GPHN: variants seen among roughly 807,000 people sequenced by gnomAD.
GPHN encodes the protein gephyrin.
In GPHN, 17 loss-of-function variants were observed where a neutral mutation model predicts 95.5. That is an observed-to-expected ratio of 0.18 (90% CI 0.12 to 0.27). The LOEUF is 0.27. Ranked by LOEUF, GPHN falls within the 10% of genes least tolerant of loss-of-function variation. The pLI, the probability that GPHN is intolerant of heterozygous loss-of-function variation, is 1.00. For missense variants in GPHN, 660 were observed against 978.1 expected (o/e 0.67, Z 4.34); for synonymous variants, 320 against 322.5 (o/e 0.99, Z 0.08).
chr14:67,095,542 A>C (rs894267407), intron 12 of GPHN, among the ~76,000 whole-genome samples: 3 of 152,224 alleles, frequency 2.0e-5, no homozygotes. Context: ...ATGTCCAACA[A>C]TGATAGACTG....
intron 3 of GPHN, among the ~76,000 whole-genome samples, chr14:66,822,470 T>C (rs2061236302): frequency 6.6e-6 from 1 of 152,212 alleles, no homozygotes; most frequent in African/African-American, 2.4e-5. Context: ...ATAATTCCAT[T>C]GTGCACCCAA....
the GPHN span, chr14:67,312,510 C>T: frequency 2.0e-6 from 3 of 1,490,230 alleles, no homozygotes; most frequent in Non-Finnish European, 2.7e-6. Context: ...GTTGTTTTTG[C>T]CCTTTTTATC....
the GPHN span, among the ~76,000 whole-genome samples, chr14:67,717,415 C>T: frequency 6.6e-6 from 1 of 152,182 alleles, no homozygotes; most frequent in Non-Finnish European, 1.5e-5. Flanking sequence ...TAGTAGATGG[C>T]CAGCATCCTA....
At chr14:67,286,550 G>A in the GPHN span, among the ~76,000 whole-genome samples, 1 of 152,100 alleles carries the variant, frequency 6.6e-6, no homozygotes, top group South Asian at 2.1e-4. Flanking sequence ...ATTTCTTTGA[G>A]TGTGTGGAAA....
At chr14:66,553,731 C>T (rs1394278798) in intron 1 of GPHN, among the ~76,000 whole-genome samples, 2 of 152,160 alleles carry the variant, frequency 1.3e-5, no homozygotes, top group African/African-American at 2.4e-5. Flanking sequence ...CATGGGCCAC[C>T]ACGCCCGCCT....
chr14:66,670,876 C>T (rs1051196612), intron 1 of GPHN, among the ~76,000 whole-genome samples: 1 of 152,032 alleles, frequency 6.6e-6, no homozygotes, highest in Non-Finnish European at 1.5e-5. Context: ...AGAATTGTAC[C>T]TAGGTACTTA....
chr14:66,619,051 T>G (rs980900307), intron 1 of GPHN, among the ~76,000 whole-genome samples: 1 of 152,216 alleles, frequency 6.6e-6, no homozygotes, highest in Non-Finnish European at 1.5e-5. Flanking sequence ...CTTCCTTCAC[T>G]CAGCGTAAGT....
intron 1 of GPHN, among the ~76,000 whole-genome samples, chr14:66,615,335 A>T (rs1345403023): frequency 6.6e-6 from 1 of 152,170 alleles, no homozygotes; most frequent in Non-Finnish European, 1.5e-5. Context: ...CCAGCAGAGT[A>T]AAAGCGTTCC....
chr14:67,147,351 C>T (rs898093491), intron 18 of GPHN, among the ~76,000 whole-genome samples: 7 of 152,186 alleles, frequency 4.6e-5, no homozygotes, highest in African/African-American at 1.7e-4. Context: ...GTAGCAAAGC[C>T]TTCAGGCAAG....
At chr14:67,559,455 C>T in the GPHN span, among the ~76,000 whole-genome samples, 2 of 152,134 alleles carry the variant, frequency 1.3e-5, no homozygotes, top group African/African-American at 2.4e-5. Flanking sequence ...TTTGTGTTAC[C>T]TTATCAAATA....
At chr14:67,195,049 G>A in the GPHN span, among the ~76,000 whole-genome samples, 1 of 152,170 alleles carries the variant, frequency 6.6e-6, no homozygotes, top group Non-Finnish European at 1.5e-5. Flanking sequence ...GTGGGGTGAG[G>A]GGTGTAGTGC....
At chr14:67,503,065 T>C in the GPHN span, among the ~76,000 whole-genome samples, 1 of 152,110 alleles carries the variant, frequency 6.6e-6, no homozygotes, top group Admixed American at 6.6e-5. Flanking sequence ...GACAAGCAGA[T>C]AACCGCACGC....
chr14:67,102,027 A>G (rs1289873978), intron 13 of GPHN, among the ~76,000 whole-genome samples: 2 of 151,660 alleles, frequency 1.3e-5, no homozygotes, highest in Non-Finnish European at 2.9e-5. Context: ...ACCCGCCACC[A>G]CGCCCGCCTA....
chr14:66,842,220 C>T (rs971506107), intron 4 of GPHN, among the ~76,000 whole-genome samples: 2 of 152,090 alleles, frequency 1.3e-5, no homozygotes, highest in African/African-American at 4.8e-5. Context: ...AAGATATTTA[C>T]TGGTATTACT....
At chr14:67,366,893 C>G in the GPHN span, among the ~76,000 whole-genome samples, 8 of 140,608 alleles carry the variant, frequency 5.7e-5, no homozygotes, top group East Asian at 1.6e-3. Context: ...ATGCTGAAGA[C>G]AGCTTCAAGC....
intron 6 of GPHN, among the ~76,000 whole-genome samples, chr14:66,916,610 C>T (rs539702353): frequency 2.7e-5 from 4 of 148,800 alleles, no homozygotes; most frequent in African/African-American, 9.9e-5. Flanking sequence ...TAGCATTAGT[C>T]TCCAGTATGT....
intron 1 of GPHN, among the ~76,000 whole-genome samples, chr14:66,600,464 G>C (rs527732853): frequency 6.6e-6 from 1 of 152,204 alleles, no homozygotes; most frequent in South Asian, 2.1e-4. Context: ...GAATTACAAT[G>C]TTAGGTTCCT....
At chr14:66,662,432 GA>G in intron 1 of GPHN, among the ~76,000 whole-genome samples, 1 of 151,690 alleles carries the variant, frequency 6.6e-6, no homozygotes, top group Non-Finnish European at 1.5e-5. Flanking sequence ...GCAGCCCTGT[GA>G]AAAGTGGCCA....
At chr14:67,008,948 G>A (rs1383547544) in intron 9 of GPHN, among the ~76,000 whole-genome samples, 2 of 152,152 alleles carry the variant, frequency 1.3e-5, no homozygotes, top group Non-Finnish European at 2.9e-5. Context: ...TCTGCTTTAT[G>A]TTTTGAAGGT....
Sources: allele counts gnomAD v4.1 joint callset (sites outside exome capture counted in the v4.1 genomes callset), GRCh38; gene constraint gnomAD v4.1.1; transcripts MANE v1.5; gene names NCBI Gene and HGNC (gene_info 2026-07-23, HGNC 2026-07-21).